Variants in AP2A2 observed in about 807,000 individuals in gnomAD.
AP2A2 encodes the protein AP-2 complex subunit alpha-2.
Under a neutral mutation model 104.2 loss-of-function variants are expected in AP2A2, and 32 were observed. The observed-to-expected ratio is 0.31, with a 90% CI of 0.23 to 0.41. The LOEUF is 0.41. Among genes scored for constraint, AP2A2 ranks in the 10% least tolerant of loss-of-function variants. AP2A2 has a pLI of 1.00. For synonymous variants in AP2A2, 539 were observed against 533.3 expected (o/e 1.01, Z -0.15); for missense variants, 912 against 1,261.0 (o/e 0.72, Z 4.19).
rs190721134 is a variant in AP2A2 at position 985,904 on chromosome 11, C to T, written c.962+322C>T. ...AGACGGGTGGGGTGGGGGGTGTGCGCGCATGTCCCGTGGCTTTGCTGGATG... is the reference window on the plus strand; with the variant it reads ...AGACGGGTGGGGTGGGGGGTGTGCGTGCATGTCCCGTGGCTTTGCTGGATG... On this transcript the variant is annotated intron_variant, in intron 8 of 21. Transcript: ENST00000448903. Among the ~76,000 whole-genome samples, 42 of 152,292 alleles carry T rather than the reference C, an allele frequency of 2.8e-4. 1 individual carries two copies. The East Asian group carries it at 6.6e-3, about 24-fold the overall frequency.
At position 961,046 on chromosome 11, in the gene AP2A2, C is replaced by A. The variant is rs182292656; in HGVS notation, c.136+1541C>A. On this transcript the variant is annotated intron_variant, in intron 2 of 21. Transcript: ENST00000448903. ...TGTGGACTCTGAAATGGGCTGTGTACAGAAGATTTATTCAGAGTGACACCA... is the reference window on the plus strand; with the variant it reads ...TGTGGACTCTGAAATGGGCTGTGTAAAGAAGATTTATTCAGAGTGACACCA... Among the ~76,000 whole-genome samples, 119 of 152,172 alleles carry A rather than the reference C, an allele frequency of 7.8e-4. 1 individual carries two copies. In the East Asian group the frequency reaches 0.019, roughly 24 times the overall value.
intron 2 of AP2A2, among the ~76,000 whole-genome samples, chr11:964,762 G>A (rs1854555477): frequency 6.7e-6 from 1 of 149,420 alleles, no homozygotes; most frequent in African/African-American, 2.5e-5. Flanking sequence ...GAAGGCCTGT[G>A]TTAAAGGAAA....
intron 5 of AP2A2, among the ~76,000 whole-genome samples, chr11:980,854 G>A (rs1333007937): frequency 1.3e-5 from 2 of 152,266 alleles, no homozygotes; most frequent in African/African-American, 4.8e-5. Flanking sequence ...AGCAAGTGCA[G>A]ATGACGGTGG....
intron 15 of AP2A2, among the ~76,000 whole-genome samples, 185 bp downstream of exon 15, chr11:1,000,783 T>C (rs1166499137): frequency 1.3e-5 from 2 of 152,116 alleles, no homozygotes; most frequent in African/African-American, 4.8e-5. Flanking sequence ...CTCACAACCT[T>C]GATTTATATG....
chr11:955,128 C>G (rs1020996183), intron 1 of AP2A2, among the ~76,000 whole-genome samples: 1 of 152,172 alleles, frequency 6.6e-6, no homozygotes, highest in South Asian at 2.1e-4. Flanking sequence ...AGCGCAAGGT[C>G]CCCTGTTGCA....
At chr11:972,288 A>G in intron 4 of AP2A2, 33 bp downstream of exon 4, 1 of 1,533,698 alleles carries the variant, frequency 6.5e-7, no homozygotes, top group Admixed American at 2.1e-5. Context: ...GCTCCTGCTG[A>G]AGATGTGCTG....
chr11:931,862 G>T (rs1045603246), intron 1 of AP2A2, among the ~76,000 whole-genome samples: 1 of 149,716 alleles, frequency 6.7e-6, no homozygotes, highest in African/African-American at 2.5e-5. Flanking sequence ...GGAGTGCAGC[G>T]GTGTGATCTC....
chr11:957,625 C>A (rs1854281393), intron 1 of AP2A2, among the ~76,000 whole-genome samples: 2 of 152,194 alleles, frequency 1.3e-5, no homozygotes, highest in African/African-American at 4.8e-5. Flanking sequence ...GAGCCAGGAA[C>A]TGTAGATGAA....
rs1394040119 is a variant in AP2A2, at chr11:1,008,098, G to C, written c.2383G>C (p.Asp795His). The change falls in exon 18 of 22, where the codon GAC (aspartate) becomes CAC (histidine). Residue 795 changes from aspartate (D) to histidine (H), a missense_variant. By Grantham distance (81) the Asp-to-His change is moderately conservative. This residue lies in a region of AP2A2 where 239 missense variants were observed against 329.8 expected (regional missense o/e 0.72). Coordinates refer to ENST00000448903, the MANE Select transcript of AP2A2 (RefSeq NM_012305.4). ...GGTGGTCAACATAGAGTGCGTGTCC[G>C]ACTTCACGGAGGCGCCAGTCCTCAA... ...QQVVNIECVS[D>H]FTEAPVLNIQ... is the part of the protein sequence containing the mutation. 1 of 1,605,334 alleles carries C rather than the reference G, an allele frequency of 6.2e-7. No homozygotes were observed. The highest frequency in any genetic ancestry group is 1.3e-5 in the African/African-American group (1 of 74,744).
chr11:989,299 C>T (rs868826266), intron 10 of AP2A2, among the ~76,000 whole-genome samples: 2 of 152,018 alleles, frequency 1.3e-5, no homozygotes, highest in Non-Finnish European at 2.9e-5. Context: ...CGCCATTGCA[C>T]TCCAGCCTGA....
At chr11:955,808 G>T (rs889775712) in intron 1 of AP2A2, among the ~76,000 whole-genome samples, 1 of 152,202 alleles carries the variant, frequency 6.6e-6, no homozygotes. Flanking sequence ...CTTGTCCTGT[G>T]GGGGAGGCAA....
At chr11:1,004,102 G>C (rs1189515007) in intron 16 of AP2A2, among the ~76,000 whole-genome samples, 2 of 152,150 alleles carry the variant, frequency 1.3e-5, no homozygotes, top group Non-Finnish European at 2.9e-5. Flanking sequence ...CACCTGAAAA[G>C]ATGGACAAAG....
intron 5 of AP2A2, 25 bp from the exon 6 acceptor site, chr11:981,173 C>G: frequency 6.3e-7 from 1 of 1,586,302 alleles, no homozygotes; most frequent in South Asian, 1.1e-5. Context: ...AGTGTTCTGA[C>G]TCTTGTGTGT....
chr11:974,093 G>A (rs919994217), intron 4 of AP2A2, among the ~76,000 whole-genome samples: 5 of 152,192 alleles, frequency 3.3e-5, no homozygotes, highest in East Asian at 1.9e-4. Context: ...GTGCATCTGC[G>A]GCTGGAAGGG....
chr11:1,002,426 T>C (rs967884528), intron 15 of AP2A2, among the ~76,000 whole-genome samples: 2 of 152,272 alleles, frequency 1.3e-5, no homozygotes, highest in African/African-American at 4.8e-5. Context: ...TCCTGTGTTG[T>C]GTGTTGCTTA....
chr11:928,513 T>C (rs1021794430), intron 1 of AP2A2, among the ~76,000 whole-genome samples: 1 of 152,240 alleles, frequency 6.6e-6, no homozygotes, highest in African/African-American at 2.4e-5. Context: ...TTTCTCCAAC[T>C]CAGCAGAGCT....
intron 14 of AP2A2, among the ~76,000 whole-genome samples, chr11:994,584 G>C (rs1160291495): frequency 4.5e-5 from 6 of 134,538 alleles, no homozygotes; most frequent in South Asian, 2.4e-4. Context: ...TGGACGCCCC[G>C]TTGTCCTGTC....
At chr11:944,105 G>A (rs1853750914) in intron 1 of AP2A2, among the ~76,000 whole-genome samples, 1 of 152,228 alleles carries the variant, frequency 6.6e-6, no homozygotes, top group Non-Finnish European at 1.5e-5. Context: ...GAGATGGCCG[G>A]AATAGAGCAC....
intron 9 of AP2A2, 111 bp downstream of exon 9, chr11:987,064 G>T: frequency 7.8e-7 from 1 of 1,279,470 alleles, no homozygotes; most frequent in Non-Finnish European, 1.1e-6. Flanking sequence ...GATGGAGGTG[G>T]TGCTGGTGCT....
Sources: gnomAD v4.1 joint callset for allele counts (sites outside exome capture counted in the v4.1 genomes callset) on GRCh38, gnomAD v4.1.1 for gene constraint, gnomAD v4.1.1 regional missense constraint, MANE v1.5 for transcripts, NCBI Gene and HGNC (gene_info 2026-07-23, HGNC 2026-07-21) for gene names.